MIPOL1: variants seen among roughly 807,000 people sequenced by gnomAD.
MIPOL1 encodes the protein mirror-image polydactyly 1, also known as mirror-image polydactyly gene 1 protein.
In MIPOL1, 57 loss-of-function variants were observed where a neutral mutation model predicts 60.9. The ratio of observed to expected loss-of-function variants is 0.94; its 90% CI spans 0.76 to 1.17. The LOEUF (loss-of-function observed/expected upper bound fraction) is 1.17, where lower values mean the gene tolerates loss of function less well. MIPOL1 is among the 50% of genes most tolerant of loss of function. MIPOL1 has a pLI of 0.00. For synonymous variants in MIPOL1, 179 were observed against 168.8 expected (o/e 1.06, Z -0.47); for missense variants, 551 against 511.6 (o/e 1.08, Z -0.74).
At chr14:37,204,686 T>C (rs1001438721) in intron 1 of MIPOL1, among the ~76,000 whole-genome samples, 1 of 152,280 alleles carries the variant, frequency 6.6e-6, no homozygotes, top group Admixed American at 6.5e-5. Flanking sequence ...GTAAATTGCC[T>C]GGTCTCAAGT....
intron 1 of MIPOL1, among the ~76,000 whole-genome samples, chr14:37,226,010 C>A (rs1969665082): frequency 6.6e-6 from 1 of 152,276 alleles, no homozygotes; most frequent in South Asian, 2.1e-4. Context: ...TAACAAGAGT[C>A]ACCTTTATTC....
At chr14:37,272,628 G>A (rs1014103476) in intron 6 of MIPOL1, among the ~76,000 whole-genome samples, 8 of 151,482 alleles carry the variant, frequency 5.3e-5, no homozygotes, top group South Asian at 2.1e-4. Flanking sequence ...AGAAAAAAGA[G>A]CAGTATAGGA....
chr14:37,324,585 T>A (rs2088949800), intron 9 of MIPOL1, among the ~76,000 whole-genome samples: 1 of 152,034 alleles, frequency 6.6e-6, no homozygotes, highest in Non-Finnish European at 1.5e-5. Context: ...GACATCTAAT[T>A]TATCAGTATT....
intron 6 of MIPOL1, among the ~76,000 whole-genome samples, chr14:37,283,501 T>C (rs1390546907): frequency 6.6e-6 from 1 of 152,214 alleles, no homozygotes; most frequent in Non-Finnish European, 1.5e-5. Flanking sequence ...TACATAATTT[T>C]TGCCTGCCAA....
intron 7 of MIPOL1, among the ~76,000 whole-genome samples, chr14:37,292,018 C>G (rs1294970714): frequency 6.7e-6 from 1 of 149,296 alleles, no homozygotes; most frequent in Non-Finnish European, 1.5e-5. Context: ...CTCCACCTCC[C>G]GGGTTCATGC....
intron 3 of MIPOL1, among the ~76,000 whole-genome samples, chr14:37,255,561 A>T (rs1974786935): frequency 6.6e-6 from 1 of 151,746 alleles, no homozygotes; most frequent in East Asian, 1.9e-4. Context: ...TTTTGGTTTT[A>T]TTCGAATCAA....
chr14:37,509,735 AT>A (rs1345303186), intron 12 of MIPOL1, among the ~76,000 whole-genome samples: 4 of 151,368 alleles, frequency 2.6e-5, no homozygotes, highest in Admixed American at 2.0e-4. Context: ...ACACATGTGT[AT>A]CACATGCACA....
At chr14:37,475,446 T>C (rs183622777) in intron 11 of MIPOL1, among the ~76,000 whole-genome samples, 58 of 152,262 alleles carry the variant, frequency 3.8e-4, no homozygotes, top group African/African-American at 1.4e-3. Flanking sequence ...TTACCTGTTT[T>C]TTTCTTTCAT....
At chr14:37,384,256 A>G (rs753719990) in intron 10 of MIPOL1, among the ~76,000 whole-genome samples, 2 of 151,906 alleles carry the variant, frequency 1.3e-5, no homozygotes, top group Non-Finnish European at 2.9e-5. Context: ...AAAGATGGCA[A>G]AACTTTACTT....
At chr14:37,515,176 T>G (rs949088713) in intron 12 of MIPOL1, among the ~76,000 whole-genome samples, 1 of 152,140 alleles carries the variant, frequency 6.6e-6, no homozygotes. Context: ...GAAAAAACTT[T>G]CCATAACAAT....
intron 12 of MIPOL1, among the ~76,000 whole-genome samples, chr14:37,537,463 G>T (rs1014947259): frequency 6.6e-6 from 1 of 151,898 alleles, no homozygotes; most frequent in Non-Finnish European, 1.5e-5. Context: ...TTGTTGTAAT[G>T]CCCAATTCTA....
chr14:37,274,889 C>G (rs962744978), intron 6 of MIPOL1, among the ~76,000 whole-genome samples: 5 of 150,884 alleles, frequency 3.3e-5, no homozygotes, highest in African/African-American at 1.2e-4. Context: ...TCAAAGTGTT[C>G]CTAATTGTGT....
chr14:37,263,779 C>T (rs1316495516), intron 3 of MIPOL1, among the ~76,000 whole-genome samples: 7 of 152,090 alleles, frequency 4.6e-5, no homozygotes, highest in African/African-American at 1.4e-4. Context: ...TGATTAAACA[C>T]TAAAGTGGAT....
intron 9 of MIPOL1, among the ~76,000 whole-genome samples, chr14:37,327,906 A>G (rs900670169): frequency 9.9e-5 from 15 of 152,208 alleles, no homozygotes; most frequent in Admixed American, 5.2e-4. Context: ...ACTCGTGGAC[A>G]TTGTTTGAAG....
At chr14:37,466,908 G>A (rs2094605361) in intron 11 of MIPOL1, among the ~76,000 whole-genome samples, 2 of 152,266 alleles carry the variant, frequency 1.3e-5, no homozygotes, top group Admixed American at 6.5e-5. Context: ...TTTCTCCCCA[G>A]TGATTGCTTC....
intron 1 of MIPOL1, among the ~76,000 whole-genome samples, chr14:37,242,130 C>T (rs1423804151): frequency 6.6e-6 from 1 of 151,238 alleles, no homozygotes; most frequent in Non-Finnish European, 1.5e-5. Flanking sequence ...TATTAAATTC[C>T]ATATTATTTG....
At chr14:37,247,654 C>A in intron 2 of MIPOL1, 175 bp from the exon 3 acceptor site, 1 of 468,282 alleles carries the variant, frequency 2.1e-6, no homozygotes, top group Non-Finnish European at 3.8e-6. Flanking sequence ...AGAAAAGAAC[C>A]TTTTTCTGAG....
chr14:37,518,623 C>T (rs532434997), intron 12 of MIPOL1, among the ~76,000 whole-genome samples: 32 of 152,192 alleles, frequency 2.1e-4, no homozygotes, highest in Non-Finnish European at 4.4e-4. Flanking sequence ...GCATGAGCCA[C>T]CGCAACTGGC....
intron 7 of MIPOL1, among the ~76,000 whole-genome samples, chr14:37,300,165 A>T (rs985571697): frequency 1.3e-5 from 2 of 151,116 alleles, no homozygotes; most frequent in Non-Finnish European, 2.9e-5. Context: ...ACTTACCTCC[A>T]TTCCTTTGTT....
Sources: allele counts gnomAD v4.1 joint callset (sites outside exome capture counted in the v4.1 genomes callset), GRCh38; gene constraint gnomAD v4.1.1; transcripts MANE v1.5; gene names NCBI Gene and HGNC (gene_info 2026-07-23, HGNC 2026-07-21).